Variants in ITGB6 observed in about 807,000 individuals in gnomAD.
ITGB6 encodes integrin beta-6.
Under a neutral mutation model 84.5 loss-of-function variants are expected in ITGB6, and 80 were observed. That is an observed-to-expected ratio of 0.95 (90% CI 0.79 to 1.14). The LOEUF (loss-of-function observed/expected upper bound fraction) is 1.14. Ranked by LOEUF, ITGB6 falls within the 50% of genes most tolerant of loss-of-function variation. ITGB6 has a pLI of 0.00. For missense variants in ITGB6, 1,006 were observed against 968.0 expected (o/e 1.04, Z -0.52); for synonymous variants, 383 against 354.9 (o/e 1.08, Z -0.89).
intron 8 of ITGB6, among the ~76,000 whole-genome samples, chr2:160,138,695 A>G (rs535465707): frequency 3.9e-5 from 6 of 152,208 alleles, no homozygotes; most frequent in East Asian, 1.9e-4. Flanking sequence ...AGAATCCACA[A>G]TTGAAGTCAT....
chr2:160,118,499 T>G (rs1330500553), intron 12 of ITGB6, among the ~76,000 whole-genome samples: 1 of 152,090 alleles, frequency 6.6e-6, no homozygotes, highest in African/African-American at 2.4e-5. Flanking sequence ...AAATTAGGTA[T>G]TGATGGGACG....
Position 160,196,421 on chromosome 2 carries a change from C to G in ITGB6, c.142-1G>C, listed in dbSNP as rs1425478543. 1.3e-6 allele frequency: 2 copies of G among 1,590,812 alleles called. No homozygotes were observed. Among genetic ancestry groups the G allele is most frequent in the Non-Finnish European group, 1.7e-6 (2 of 1,170,200 alleles). On this transcript the variant is annotated splice_acceptor_variant, in intron 2 of 14. Coordinates refer to ENST00000283249, the MANE Select transcript of ITGB6 (RefSeq NM_000888.5). LOFTEE classifies it high-confidence loss of function. ...CAACTCCAGATGGATGAGTAAAATT[C>G]TAAAAAAGAAAAAGAAAAACAATAA...
intron 8 of ITGB6, among the ~76,000 whole-genome samples, chr2:160,141,269 A>AG (rs148573461): frequency 0.033 from 5,009 of 151,894 alleles, 228 homozygotes; most frequent in African/African-American, 0.11. Flanking sequence ...GCAAAAAAAA[A>AG]GGGGGGGTGA....
chr2:160,146,510 A>T (rs1684196433), intron 7 of ITGB6, among the ~76,000 whole-genome samples: 1 of 152,216 alleles, frequency 6.6e-6, no homozygotes, highest in African/African-American at 2.4e-5. Flanking sequence ...TATGTATTCT[A>T]CTGAAATCTT....
intron 4 of ITGB6, among the ~76,000 whole-genome samples, chr2:160,184,343 A>T (rs2925752): frequency 6.6e-6 from 1 of 152,064 alleles, no homozygotes; most frequent in African/African-American, 2.4e-5. Flanking sequence ...AGTGAATACT[A>T]TAAACACCTC....
intron 10 of ITGB6, among the ~76,000 whole-genome samples, chr2:160,127,757 T>G (rs2105803406): frequency 6.6e-6 from 1 of 152,340 alleles, no homozygotes. Flanking sequence ...TAAAAGATAT[T>G]TGATGTGAAT....
intron 12 of ITGB6, among the ~76,000 whole-genome samples, chr2:160,117,665 A>C (rs1303973706): frequency 6.6e-6 from 1 of 152,202 alleles, no homozygotes; most frequent in East Asian, 1.9e-4. Flanking sequence ...TACTAAAATC[A>C]GAGCAGAACT....
chr2:160,180,507 G>A lies in ITGB6; in HGVS notation c.594-6368C>T, dbSNP rs1161586317. On this transcript the variant is annotated intron_variant, in intron 4 of 14. Coordinates refer to ENST00000283249, the MANE Select transcript of ITGB6 (RefSeq NM_000888.5). ...GGTACCTGTGTGGGTTTGTTATATA[G>A]GTAAATTGTGTGTGATGGGGGTTTG... is the stretch of plus-strand genomic sequence containing the variant. Among the ~76,000 whole-genome samples, 3 of 152,154 alleles carry A rather than the reference G, an allele frequency of 2.0e-5. No individual in the cohort carries two copies. The East Asian group carries it at 5.8e-4, about 29-fold the overall frequency.
intron 10 of ITGB6, among the ~76,000 whole-genome samples, chr2:160,128,445 T>C (rs1164930029): frequency 1.3e-5 from 2 of 152,180 alleles, no homozygotes; most frequent in East Asian, 1.9e-4. Flanking sequence ...AAAAGCCTTA[T>C]TGGCTGAAGG....
chr2:160,163,563 C>T (rs962137371), intron 7 of ITGB6, among the ~76,000 whole-genome samples: 1 of 150,720 alleles, frequency 6.6e-6, no homozygotes, highest in African/African-American at 2.4e-5. Flanking sequence ...ATCCAGGAGG[C>T]GAAGGTTGCA....
chr2:160,141,960 A>C, intron 8 of ITGB6, 22 bp downstream of exon 8: 2 of 1,477,666 alleles, frequency 1.4e-6, no homozygotes, highest in Non-Finnish European at 1.9e-6. Context: ...GCAAAAAAGA[A>C]GCCAGCTGTA....
At chr2:160,132,491 C>A (rs1404439469) in intron 10 of ITGB6, among the ~76,000 whole-genome samples, 2 of 151,984 alleles carry the variant, frequency 1.3e-5, no homozygotes, top group Non-Finnish European at 2.9e-5. Flanking sequence ...CAAAATTAGT[C>A]TTTTTTATAT....
intron 11 of ITGB6, among the ~76,000 whole-genome samples, chr2:160,125,151 C>G (rs531153153): frequency 6.6e-6 from 1 of 152,190 alleles, no homozygotes; most frequent in East Asian, 1.9e-4. Flanking sequence ...GACTCCAGCA[C>G]CTGTGAAGGC....
intron 7 of ITGB6, among the ~76,000 whole-genome samples, chr2:160,150,421 AC>A (rs1208296024): frequency 6.6e-6 from 1 of 152,214 alleles, no homozygotes; most frequent in Non-Finnish European, 1.5e-5. Flanking sequence ...AGATTTTGTC[AC>A]CACCAGGCCT....
intron 13 of ITGB6, among the ~76,000 whole-genome samples, chr2:160,109,837 GA>G (rs1559084654): frequency 1.3e-5 from 2 of 152,142 alleles, no homozygotes; most frequent in Non-Finnish European, 2.9e-5. Flanking sequence ...TTGAGTGCTT[GA>G]AATGTGACTT....
chr2:160,145,267 C>T (rs1179920316), intron 7 of ITGB6, among the ~76,000 whole-genome samples: 3 of 152,138 alleles, frequency 2.0e-5, no homozygotes, highest in Non-Finnish European at 4.4e-5. Context: ...ATTAGAAATG[C>T]AAGCTCTTAT....
chr2:160,158,758 T>A (rs1684715595), intron 7 of ITGB6, among the ~76,000 whole-genome samples: 1 of 152,140 alleles, frequency 6.6e-6, no homozygotes. Context: ...ATATTCGAAG[T>A]GTGATTTGTG....
intron 12 of ITGB6, among the ~76,000 whole-genome samples, chr2:160,118,948 C>T (rs1218959717): frequency 6.6e-6 from 1 of 152,102 alleles, no homozygotes; most frequent in African/African-American, 2.4e-5. Context: ...CCTAGGAATC[C>T]AACTTACAAG....
At chr2:160,168,565 T>C (rs574739413) in intron 7 of ITGB6, among the ~76,000 whole-genome samples, 1 of 152,340 alleles carries the variant, frequency 6.6e-6, no homozygotes, top group South Asian at 2.1e-4. Context: ...CACAGAAATC[T>C]TTTGTATGTG....
Sources: allele counts gnomAD v4.1 joint callset (sites outside exome capture counted in the v4.1 genomes callset), GRCh38; gene constraint gnomAD v4.1.1; transcripts MANE v1.5; gene names NCBI Gene and HGNC (gene_info 2026-07-23, HGNC 2026-07-21).